The following STXBP4 variants were observed in gnomAD, a reference collection of about 807,000 sequenced individuals.
STXBP4 encodes the protein syntaxin binding protein 4, also known as syntaxin-binding protein 4.
In STXBP4, 55 loss-of-function variants were observed where a neutral mutation model predicts 76.1. The observed-to-expected ratio is 0.72, with a 90% CI of 0.58 to 0.91. The LOEUF (loss-of-function observed/expected upper bound fraction) is 0.91. STXBP4 is among the 40% of genes least tolerant of loss of function. The pLI, the probability that STXBP4 is intolerant of heterozygous loss-of-function variation, is 0.00. For missense variants in STXBP4, 618 were observed against 636.9 expected (o/e 0.97, Z 0.32); for synonymous variants, 201 against 220.2 (o/e 0.91, Z 0.77).
intron 16 of STXBP4, among the ~76,000 whole-genome samples, chr17:55,131,693 C>T (rs750040579): frequency 5.3e-5 from 8 of 152,130 alleles, no homozygotes; most frequent in Non-Finnish European, 8.8e-5. Context: ...CCCAATAGTT[C>T]CATTAATTCA....
chr17:55,000,470 A>T lies in STXBP4; in HGVS notation c.499-338A>T, dbSNP rs1376390740. ...GCTTTTAGTCAGTAGAATAAAATTC[A>T]TCAAAGGTAACTTCAGTCTCTGGTA... On this transcript the variant is annotated intron_variant, in intron 6 of 17. Transcript: ENST00000376352. 3.3e-5 allele frequency among the ~76,000 whole-genome samples: 5 copies of T among 152,208 alleles called. No individual in the cohort carries two copies. The East Asian group carries it at 9.6e-4, about 29-fold the overall frequency.
intron 17 of STXBP4, among the ~76,000 whole-genome samples, chr17:55,143,858 A>G (rs2080120426): frequency 6.6e-6 from 1 of 152,212 alleles, no homozygotes; most frequent in African/African-American, 2.4e-5. Flanking sequence ...AAATAAATGT[A>G]TTCCCCAAAG....
chr17:55,107,930 A>C (rs751081168), intron 16 of STXBP4, among the ~76,000 whole-genome samples: 1 of 152,224 alleles, frequency 6.6e-6, no homozygotes, highest in South Asian at 2.1e-4. Context: ...TATGTCCCTT[A>C]GTAGAGCTCA....
chr17:55,148,327 G>A (rs2080179123), intron 17 of STXBP4, among the ~76,000 whole-genome samples: 2 of 152,160 alleles, frequency 1.3e-5, no homozygotes, highest in Middle Eastern at 3.4e-3. Flanking sequence ...TATAAACAAA[G>A]GAAAACACAA....
intron 16 of STXBP4, among the ~76,000 whole-genome samples, chr17:55,085,334 T>G (rs1406536827): frequency 2.7e-5 from 4 of 150,500 alleles, no homozygotes; most frequent in African/African-American, 4.9e-5. Context: ...ATTGTGCACA[T>G]GTACCCTAAA....
intron 12 of STXBP4, among the ~76,000 whole-genome samples, chr17:55,060,778 G>T (rs1489792925): frequency 6.6e-6 from 1 of 152,086 alleles, no homozygotes. Flanking sequence ...TTTTCTTCAA[G>T]TTCTAACAAC....
At chr17:55,076,407 T>C (rs2079182050) in intron 13 of STXBP4, among the ~76,000 whole-genome samples, 1 of 152,202 alleles carries the variant, frequency 6.6e-6, no homozygotes, top group African/African-American at 2.4e-5. Flanking sequence ...CTCCCCATTT[T>C]ATTTGTCTGA....
chr17:54,986,124 C>A lies in STXBP4; in HGVS notation c.-78-18C>A. On this transcript the variant is annotated intron_variant, in intron 2 of 17. Transcript: ENST00000376352. ...GTTCTAAGACCTGACAATTTATTTT[C>A]TACTTCTTCAATCCTAGGAAAAGAA... 2 of 1,055,968 alleles carry A rather than the reference C, an allele frequency of 1.9e-6. No homozygotes were observed. Among genetic ancestry groups the A allele is most frequent in the Non-Finnish European group, 2.9e-6 (2 of 698,434 alleles). 65.4% of individuals were successfully genotyped at this position (1,055,968 alleles called of 1,614,324 possible).
chr17:54,995,139 G>A (rs2077779089), intron 4 of STXBP4, among the ~76,000 whole-genome samples: 1 of 152,136 alleles, frequency 6.6e-6, no homozygotes, highest in Non-Finnish European at 1.5e-5. Flanking sequence ...CCCCACTGTG[G>A]TGCCTGACAC....
At chr17:55,030,340 T>G (rs1000623710) in intron 8 of STXBP4, among the ~76,000 whole-genome samples, 1 of 152,168 alleles carries the variant, frequency 6.6e-6, no homozygotes, top group Non-Finnish European at 1.5e-5. Flanking sequence ...TTCCTCTTTC[T>G]TTCCCCTTAC....
intron 11 of STXBP4, chr17:55,044,449 G>T (rs1212965785): frequency 6.6e-6 from 1 of 151,798 alleles, no homozygotes; most frequent in Non-Finnish European, 1.5e-5. Flanking sequence ...GGAAGCCATT[G>T]TTGCAAATAT....
intron 17 of STXBP4, among the ~76,000 whole-genome samples, chr17:55,154,192 C>T (rs559186564): frequency 6.6e-6 from 1 of 152,094 alleles, no homozygotes; most frequent in South Asian, 2.1e-4. Flanking sequence ...ATTCGGTTGG[C>T]GGATAATGAG....
chr17:55,002,784 T>C (rs2077942164), intron 7 of STXBP4, among the ~76,000 whole-genome samples: 1 of 152,180 alleles, frequency 6.6e-6, no homozygotes, highest in African/African-American at 2.4e-5. Flanking sequence ...CTTGAAATAG[T>C]TACAAGTTAC....
intron 16 of STXBP4, among the ~76,000 whole-genome samples, chr17:55,112,475 G>A (rs1467758849): frequency 6.6e-6 from 1 of 152,124 alleles, no homozygotes; most frequent in African/African-American, 2.4e-5. Context: ...TATAAAACTA[G>A]ACAATAATTG....
chr17:55,148,335 C>G lies in STXBP4; in HGVS notation c.1547+6968C>G, dbSNP rs187165740. 2.8e-3 allele frequency among the ~76,000 whole-genome samples: 425 copies of G among 152,170 alleles called. 1 individual carries two copies. Among genetic ancestry groups the G allele is most frequent in the Non-Finnish European group, 5.0e-3 (337 of 67,982 alleles). On this transcript the variant is annotated intron_variant, in intron 17 of 17. Coordinates refer to ENST00000376352, the MANE Select transcript of STXBP4 (RefSeq NM_178509.6). ...TCTCATTTATAAACAAAGGAAAACA[C>G]AAAAGACAAGAATTTTAAATTATCG...
chr17:55,197,231 T>C, the STXBP4 span, among the ~76,000 whole-genome samples: 1 of 152,246 alleles, frequency 6.6e-6, no homozygotes, highest in African/African-American at 2.4e-5. Context: ...AACTGTTGTG[T>C]GGATCTTCTT....
chr17:55,148,329 A>C (rs1334581188), intron 17 of STXBP4, among the ~76,000 whole-genome samples: 1 of 152,248 alleles, frequency 6.6e-6, no homozygotes, highest in Non-Finnish European at 1.5e-5. Flanking sequence ...TAAACAAAGG[A>C]AAACACAAAA....
At chr17:55,060,179 A>G (rs956653346) in intron 12 of STXBP4, among the ~76,000 whole-genome samples, 2 of 152,134 alleles carry the variant, frequency 1.3e-5, no homozygotes, top group Admixed American at 1.3e-4. Context: ...AAAGTGTCCA[A>G]TTTTAAAATA....
At chr17:55,198,242 C>T in the STXBP4 span, among the ~76,000 whole-genome samples, 320 of 152,304 alleles carry the variant, frequency 2.1e-3, 1 homozygote, top group Non-Finnish European at 3.6e-3. Context: ...CCATCTGCCA[C>T]ACAGAAATGG....
Sources: allele counts gnomAD v4.1 joint callset (sites outside exome capture counted in the v4.1 genomes callset), GRCh38; gene constraint gnomAD v4.1.1; transcripts MANE v1.5; gene names NCBI Gene and HGNC (gene_info 2026-07-23, HGNC 2026-07-21).